PLCE1: variants seen among roughly 807,000 people sequenced by gnomAD.
PLCE1 encodes the protein phospholipase C epsilon 1.
Under a neutral mutation model 242.8 loss-of-function variants are expected in PLCE1, and 119 were observed. The observed-to-expected ratio is 0.49, with a 90% CI of 0.42 to 0.57. PLCE1 has a LOEUF of 0.57. PLCE1 is among the 20% of genes least tolerant of loss of function. PLCE1 has a pLI of 0.00. For synonymous variants in PLCE1, 945 were observed against 1,017.4 expected (o/e 0.93, Z 1.35); for missense variants, 2,441 against 2,788.8 (o/e 0.88, Z 2.81).
At chr10:94,190,577 G>A (rs908704315) in intron 4 of PLCE1, among the ~76,000 whole-genome samples, 2 of 152,318 alleles carry the variant, frequency 1.3e-5, no homozygotes, top group East Asian at 3.9e-4. Context: ...CTGTACTCCA[G>A]CCTGGCTGCC....
In PLCE1 at chr10:94,306,549, C is replaced by A. The variant is rs930184605; in HGVS notation, c.5745C>A (p.Thr1915=). 3 of 1,614,160 alleles carry A rather than the reference C, an allele frequency of 1.9e-6. No individual in the cohort carries two copies. Among genetic ancestry groups the A allele is most frequent in the Non-Finnish European group, 1.7e-6 (2 of 1,180,022 alleles). ...HFRTKPIHRN[T]LNPMWNEQFL... ...GCACAAAGCCCATCCATCGAAACAC[C>A]CTGAACCCCATGTGGAACGAGCAGT... The change falls in exon 26 of 33, where the codon ACC becomes ACA. Residue 1915 remains threonine (T), a synonymous_variant. Coordinates refer to ENST00000371380, the MANE Select transcript of PLCE1 (RefSeq NM_016341.4). This position sits in a 1 kb window ranked among gnomAD's most constrained non-coding sequence, Gnocchi z 5.7.
intron 2 of PLCE1, among the ~76,000 whole-genome samples, chr10:94,091,125 G>A (rs2045052439): frequency 6.6e-6 from 1 of 152,042 alleles, no homozygotes; most frequent in Admixed American, 6.6e-5. Flanking sequence ...TTGGAGAGAG[G>A]GAAAATTGTT....
In PLCE1 at chr10:94,296,206, C is replaced by CAA. The variant is rs200197176; in HGVS notation, c.5168-2164_5168-2163dup. The stretch of plus-strand genomic sequence containing the variant: ...TGAAACCCCATCTCTACTAAAAATA[C>CAA]AAAAAAAAAATTAGTTGGGCATGGT... On this transcript the variant is annotated intron_variant, in intron 23 of 32. Coordinates refer to ENST00000371380, the MANE Select transcript of PLCE1 (RefSeq NM_016341.4). 5.4e-5 allele frequency among the ~76,000 whole-genome samples: 8 copies of CAA among 147,414 alleles called. No individual in the cohort carries two copies. The East Asian group carries it at 9.9e-4, about 18-fold the overall frequency.
intron 7 of PLCE1, among the ~76,000 whole-genome samples, chr10:94,241,789 G>GAAAA (rs772085555): frequency 1.5e-5 from 1 of 67,108 alleles, no homozygotes; most frequent in Non-Finnish European, 3.1e-5. Context: ...TCCATCTCCA[G>GAAAA]AAAAAAAAAA....
chr10:94,162,652 T>G (rs1280431788), intron 3 of PLCE1, among the ~76,000 whole-genome samples: 1 of 152,224 alleles, frequency 6.6e-6, no homozygotes, highest in Admixed American at 6.5e-5. Context: ...TGTCTCTATT[T>G]CCTTCAGTTC....
intron 2 of PLCE1, among the ~76,000 whole-genome samples, chr10:94,043,982 C>A (rs1439672510): frequency 6.6e-6 from 1 of 152,100 alleles, no homozygotes; most frequent in African/African-American, 2.4e-5. Context: ...TTGATCACAG[C>A]ATAAAGGAAA....
At position 94,273,556 on chromosome 10, in the gene PLCE1, T is replaced by A; in HGVS notation, c.4507-6T>A. Reference sequence around the variant, plus strand: ...TTGATTGTATGTTTTCCTTCATTCTTTTTAGACTGTGTTTGGAGAAAAGCT... The same window carrying A: ...TTGATTGTATGTTTTCCTTCATTCTATTTAGACTGTGTTTGGAGAAAAGCT... On this transcript the variant is annotated splice_polypyrimidine_tract_variant and splice_region_variant and intron_variant, in intron 18 of 32. Transcript: ENST00000371380. 6.2e-7 allele frequency: 1 copy of A among 1,612,706 alleles called. No homozygotes were observed. The highest frequency in any genetic ancestry group is 1.1e-5 in the South Asian group (1 of 91,050).
At chr10:94,255,912 ACACTCTCTCT>A (rs1564834367) in intron 11 of PLCE1, among the ~76,000 whole-genome samples, 5 of 87,030 alleles carry the variant, frequency 5.7e-5, no homozygotes, top group South Asian at 4.2e-4. Flanking sequence ...ACACACACAC[ACACTCTCTCT>A]CTCTCTCTCT....
At chr10:94,107,906 A>T (rs562340950) in intron 2 of PLCE1, 3 of 152,084 alleles carry the variant, frequency 2.0e-5, no homozygotes, top group African/African-American at 7.2e-5. Flanking sequence ...TTATTTATTT[A>T]TTTTTTTTAA....
chr10:94,194,263 C>T (rs942238561), intron 4 of PLCE1, among the ~76,000 whole-genome samples: 4 of 152,226 alleles, frequency 2.6e-5, no homozygotes, highest in African/African-American at 9.6e-5. Context: ...TGGGGAATTA[C>T]ACAACAACTA....
At position 94,328,346 on chromosome 10, in the gene PLCE1, A is replaced by G. The variant is rs569145509; in HGVS notation, c.*403A>G. On this transcript the variant is annotated 3_prime_UTR_variant, in exon 33 of 33. Transcript: ENST00000371380. ...GCAGCCATAGACAACACATACATGA[A>G]CGAACGTGGCTGTATTCCAATAAAA... The G allele has an allele frequency of 6.2e-6, 1 of 160,862 alleles. No homozygotes were observed. The highest frequency in any genetic ancestry group is 6.1e-5 in the Admixed American group (1 of 16,306). The allele number at this position is 160,862 out of a possible 1,614,324, so 10.0% of individuals were successfully genotyped here.
Position 94,306,551 on chromosome 10 carries a change from T to C in PLCE1, c.5747T>C (p.Leu1916Pro). The C allele has an allele frequency of 1.2e-6, 2 of 1,614,176 alleles. No homozygotes were observed. Among genetic ancestry groups the C allele is most frequent in the Non-Finnish European group, 1.7e-6 (2 of 1,180,016 alleles). ...ACAAAGCCCATCCATCGAAACACCCTGAACCCCATGTGGAACGAGCAGTTT... is the reference window on the plus strand; with the variant it reads ...ACAAAGCCCATCCATCGAAACACCCCGAACCCCATGTGGAACGAGCAGTTT... Reference protein sequence around the residue: ...FRTKPIHRNTLNPMWNEQFLF... With the variant: ...FRTKPIHRNTPNPMWNEQFLF... The change falls in exon 26 of 33, where the codon CTG (leucine) becomes CCG (proline). Residue 1916 changes from leucine to proline, a missense_variant. Leu to Pro is a moderately conservative substitution (Grantham distance 98). This residue lies in a region of PLCE1 where 1,004 missense variants were observed against 1,322.7 expected (regional missense o/e 0.76). Coordinates refer to ENST00000371380, the MANE Select transcript of PLCE1 (RefSeq NM_016341.4). The surrounding 1 kb of genome is among the most constrained non-coding windows in gnomAD (Gnocchi z 5.7).
intron 27 of PLCE1, among the ~76,000 whole-genome samples, chr10:94,310,034 T>C (rs1319481625): frequency 6.6e-6 from 1 of 152,202 alleles, no homozygotes; most frequent in African/African-American, 2.4e-5. Flanking sequence ...CTAAAAAAGG[T>C]ATTTTTAAAA....
intron 4 of PLCE1, among the ~76,000 whole-genome samples, chr10:94,213,923 A>G (rs2049427458): frequency 6.6e-6 from 1 of 152,100 alleles, no homozygotes; most frequent in Non-Finnish European, 1.5e-5. Context: ...CTTTATATTT[A>G]TCATCGCTTT....
chr10:94,173,695 C>T (rs2048048908), intron 4 of PLCE1, among the ~76,000 whole-genome samples: 1 of 152,164 alleles, frequency 6.6e-6, no homozygotes, highest in Non-Finnish European at 1.5e-5. Flanking sequence ...ATGATATGAC[C>T]TACAGCTGGG....
intron 2 of PLCE1, among the ~76,000 whole-genome samples, chr10:94,056,446 G>A (rs1004607122): frequency 1.5e-4 from 23 of 152,040 alleles, no homozygotes; most frequent in Admixed American, 7.9e-4. Flanking sequence ...AATATATTGT[G>A]TATCTATTCA....
chr10:94,268,892 T>G (rs1564845797), intron 16 of PLCE1, 37 bp from the exon 17 acceptor site: 1 of 1,182,234 alleles, frequency 8.5e-7, no homozygotes, highest in Non-Finnish European at 1.3e-6. Context: ...TATCTCCAGG[T>G]GCTCACCTGG....
intron 2 of PLCE1, among the ~76,000 whole-genome samples, chr10:94,062,308 T>G (rs929507914): frequency 6.6e-6 from 1 of 151,998 alleles, no homozygotes; most frequent in Non-Finnish European, 1.5e-5. Context: ...GGAGGTGAGA[T>G]CTCATGAAGT....
At position 94,322,556 on chromosome 10, in the gene PLCE1, G is replaced by A. The variant is rs547280333; in HGVS notation, c.6501+497G>A. Among the ~76,000 whole-genome samples, 21 of 152,224 alleles carry A rather than the reference G, an allele frequency of 1.4e-4. No individual in the cohort carries two copies. In the South Asian group the frequency reaches 4.1e-3, roughly 30 times the overall value. ...TCCCAACACTTTGTGGGGCCAAGGCGGGTGGATTGCCTGAGGTCAGGAGTT... is the reference window on the plus strand; with the variant it reads ...TCCCAACACTTTGTGGGGCCAAGGCAGGTGGATTGCCTGAGGTCAGGAGTT... On this transcript the variant is annotated intron_variant, in intron 30 of 32. Coordinates refer to ENST00000371380, the MANE Select transcript of PLCE1 (RefSeq NM_016341.4).
Sources: gnomAD v4.1 joint callset for allele counts (sites outside exome capture counted in the v4.1 genomes callset) on GRCh38, gnomAD v4.1.1 for gene constraint, gnomAD v4.1.1 regional missense constraint, Gnocchi (gnomAD v3.1) non-coding constraint, MANE v1.5 for transcripts, NCBI Gene and HGNC (gene_info 2026-07-23, HGNC 2026-07-21) for gene names.